PLXNA2: variants seen among roughly 807,000 people sequenced by gnomAD.
PLXNA2 encodes the protein plexin-A2.
A neutral mutation model predicts 193.5 loss-of-function variants in PLXNA2; 91 were observed. That is an observed-to-expected ratio of 0.47 (90% CI 0.40 to 0.56). The LOEUF is 0.56. PLXNA2 is among the 20% of genes least tolerant of loss of function. The pLI is 0.00. For missense variants in PLXNA2, 1,995 were observed against 2,503.2 expected, an observed-to-expected ratio of 0.80 and a Z score of 4.33; for synonymous variants, 997 against 1,027.3, an observed-to-expected ratio of 0.97 and a Z score of 0.56.
intron 3 of PLXNA2, among the ~76,000 whole-genome samples, chr1:208,195,189 G>T (rs1299944525): frequency 2.0e-5 from 3 of 152,196 alleles, no homozygotes; most frequent in East Asian, 3.8e-4. Context: ...AGTAATCTAG[G>T]TAGCAGCATG....
At chr1:208,198,122 G>A (rs1347233444) in intron 3 of PLXNA2, among the ~76,000 whole-genome samples, 3 of 152,090 alleles carry the variant, frequency 2.0e-5, no homozygotes, top group South Asian at 4.1e-4. Flanking sequence ...CAGAATCAAA[G>A]GCATCAGGCA....
chr1:208,153,728 G>C (rs960890897), intron 3 of PLXNA2, among the ~76,000 whole-genome samples: 1 of 152,208 alleles, frequency 6.6e-6, no homozygotes, highest in Non-Finnish European at 1.5e-5. Context: ...AGAGGAGAAG[G>C]GAGGGAAGGG....
At chr1:208,176,852 T>G (rs989521507) in intron 3 of PLXNA2, among the ~76,000 whole-genome samples, 2 of 152,256 alleles carry the variant, frequency 1.3e-5, no homozygotes, top group Non-Finnish European at 2.9e-5. Context: ...TTTCCCTTTT[T>G]GCCCTACTCC....
intron 3 of PLXNA2, among the ~76,000 whole-genome samples, chr1:208,179,065 C>T (rs138718347): frequency 1.6e-3 from 240 of 152,284 alleles, no homozygotes; most frequent in African/African-American, 5.4e-3. Flanking sequence ...CATGACAGCA[C>T]GCTGGGCCTG....
chr1:208,121,853 C>T (rs1667816097), intron 4 of PLXNA2, among the ~76,000 whole-genome samples: 1 of 152,164 alleles, frequency 6.6e-6, no homozygotes. Context: ...CCATACCACA[C>T]ACTCACAGTG....
intron 1 of PLXNA2, among the ~76,000 whole-genome samples, chr1:208,234,829 C>G (rs370453302): frequency 2.6e-5 from 4 of 151,636 alleles, no homozygotes; most frequent in African/African-American, 9.7e-5. Flanking sequence ...TGGCGGGTGA[C>G]GCTGGGGCAA....
intron 1 of PLXNA2, among the ~76,000 whole-genome samples, chr1:208,225,793 G>C (rs1301772463): frequency 6.6e-6 from 1 of 152,350 alleles, no homozygotes; most frequent in African/African-American, 2.4e-5. Context: ...TACAAGCTCA[G>C]AAGAGAGGTC....
chr1:208,207,049 A>C (rs1459227011), intron 3 of PLXNA2, among the ~76,000 whole-genome samples: 2 of 151,716 alleles, frequency 1.3e-5, no homozygotes, highest in Non-Finnish European at 2.9e-5. Flanking sequence ...TCTGTTGCTC[A>C]GGCTGGAGTG....
intron 12 of PLXNA2, among the ~76,000 whole-genome samples, chr1:208,064,268 T>C (rs1665713696): frequency 2.0e-5 from 3 of 152,198 alleles, no homozygotes. Context: ...AAATCTACTT[T>C]CCAGTAGCTG....
intron 1 of PLXNA2, among the ~76,000 whole-genome samples, chr1:208,241,738 C>G (rs1672058126): frequency 6.6e-6 from 1 of 152,200 alleles, no homozygotes; most frequent in Non-Finnish European, 1.5e-5. Context: ...CTGCATTGCC[C>G]TCCCTTTATC....
chr1:208,179,202 G>A (rs1252268757), intron 3 of PLXNA2, among the ~76,000 whole-genome samples: 1 of 152,186 alleles, frequency 6.6e-6, no homozygotes, highest in African/African-American at 2.4e-5. Context: ...GGAAGCCTAA[G>A]CATCCTCGCC....
intron 4 of PLXNA2, among the ~76,000 whole-genome samples, chr1:208,136,291 C>T (rs1409812294): frequency 1.3e-5 from 2 of 152,156 alleles, no homozygotes; most frequent in Non-Finnish European, 2.9e-5. Flanking sequence ...TAAAAATATC[C>T]CCAAACCTGG....
rs768278879 is a variant in PLXNA2 at position 208,098,925 on chromosome 1, C to T, written c.1652G>A (p.Arg551Gln). The T allele has an allele frequency of 1.1e-5, 17 of 1,613,676 alleles. No homozygotes were observed. Among genetic ancestry groups the T allele is most frequent in the South Asian group, 4.4e-5 (4 of 90,936 alleles). ...DKCQQAWEPN[R>Q]FAASISQCVS... ...ACACTGGCTGATGCTGGCAGCAAAT[C>T]GATTAGGTTCCCAGGCCTGTTGGCA... Residue 551 changes from arginine to glutamine, a missense_variant, in exon 6 of 32, where the codon CGA becomes CAA. Arg to Gln is a conservative substitution (Grantham distance 43). Transcript: ENST00000367033.
intron 4 of PLXNA2, among the ~76,000 whole-genome samples, chr1:208,136,121 T>C (rs1668293892): frequency 6.6e-6 from 1 of 152,134 alleles, no homozygotes; most frequent in Non-Finnish European, 1.5e-5. Flanking sequence ...GGGGAGAAGC[T>C]TCCAAATGAT....
chr1:208,062,430 T>C (rs1665648128), intron 12 of PLXNA2, among the ~76,000 whole-genome samples: 2 of 152,204 alleles, frequency 1.3e-5, no homozygotes, highest in South Asian at 4.1e-4. Flanking sequence ...CTTCCCTCAC[T>C]GCCCAGCTGA....
In PLXNA2 at chr1:208,030,747, T is replaced by A. The variant is rs1407992959; in HGVS notation, c.5225+843A>T. On this transcript the variant is annotated intron_variant, in intron 29 of 31. Coordinates refer to ENST00000367033, the MANE Select transcript of PLXNA2 (RefSeq NM_025179.4). ...ACTCCAGACAGCTGCGTGGGCTGCC[T>A]GCCCAACCCAAATGCCTGGACCTCC... 5.1e-6 allele frequency: 5 copies of A among 985,304 alleles called. No individual in the cohort carries two copies. In the Admixed American group the frequency reaches 3.1e-4, roughly 61 times the overall value. The allele number at this position is 985,304 out of a possible 1,614,324, so 61.0% of individuals were successfully genotyped here. A position where few individuals can be genotyped will look rare whatever the true frequency, so the allele number is the denominator to read the frequency against.
Position 208,024,200 on chromosome 1 carries a change from T to C in PLXNA2, c.*3043A>G, listed in dbSNP as rs1255863480. On this transcript the variant is annotated 3_prime_UTR_variant, in exon 32 of 32. Transcript: ENST00000367033. Reference sequence around the variant, plus strand: ...TAGACTTTGGAGAGAGACTTCCCTCTCTGCCTCCCCCAAGATGAATGGCTT... The same window carrying C: ...TAGACTTTGGAGAGAGACTTCCCTCCCTGCCTCCCCCAAGATGAATGGCTT... The C allele has an allele frequency of 1.3e-5, 2 of 152,250 alleles. No individual in the cohort carries two copies. The highest frequency in any genetic ancestry group is 4.8e-5 in the African/African-American group (2 of 41,464). 9.4% of individuals were successfully genotyped at this position (152,250 alleles called of 1,614,324 possible).
chr1:208,199,024 G>A (rs751651433), intron 3 of PLXNA2, among the ~76,000 whole-genome samples: 15 of 152,232 alleles, frequency 9.9e-5, no homozygotes, highest in Non-Finnish European at 1.3e-4. Flanking sequence ...CATATAGTAA[G>A]TGCTGAATTT....
At position 208,036,389 on chromosome 1, in the gene PLXNA2, C is replaced by G. The variant is rs541436897; in HGVS notation, c.4765-1797G>C. ...GCTCCTGTCCTTGGTTTTTCTCTGT[C>G]TTAACCAACAGGTGGTGCAAGTCCA... On this transcript the variant is annotated intron_variant, in intron 26 of 31. Transcript: ENST00000367033. 5.9e-5 allele frequency among the ~76,000 whole-genome samples: 9 copies of G among 152,300 alleles called. No homozygotes were observed. In the South Asian group the frequency reaches 1.9e-3, roughly 32 times the overall value.
Sources: gnomAD v4.1 joint callset for allele counts (sites outside exome capture counted in the v4.1 genomes callset) on GRCh38, gnomAD v4.1.1 for gene constraint, MANE v1.5 for transcripts, NCBI Gene and HGNC (gene_info 2026-07-23, HGNC 2026-07-21) for gene names.